PLA2G12B: variants seen among roughly 807,000 people sequenced by gnomAD.
PLA2G12B encodes the protein phospholipase A2 group XIIB, also known as group XIIB secretory phospholipase A2-like protein.
PLA2G12B carries 19 observed loss-of-function variants against 22.3 expected under a neutral mutation model. The ratio of observed to expected loss-of-function variants is 0.85; its 90% CI spans 0.60 to 1.25. The LOEUF is 1.25. Ranked by LOEUF, PLA2G12B falls within the 50% of genes most tolerant of loss-of-function variation. PLA2G12B has a pLI of 0.00. For synonymous variants in PLA2G12B, 81 were observed against 94.9 expected, an observed-to-expected ratio of 0.85 and a Z score of 0.85; for missense variants, 191 against 246.6, an observed-to-expected ratio of 0.77 and a Z score of 1.51.
chr10:72,941,567 C>T (rs1846361987), intron 2 of PLA2G12B, among the ~76,000 whole-genome samples: 1 of 152,044 alleles, frequency 6.6e-6, no homozygotes, highest in Non-Finnish European at 1.5e-5. Flanking sequence ...CCATTTTTCA[C>T]CTTTTGTTTT....
intron 1 of PLA2G12B, among the ~76,000 whole-genome samples, chr10:72,949,725 C>G (rs1014939457): frequency 2.0e-5 from 3 of 152,158 alleles, no homozygotes; most frequent in Non-Finnish European, 2.9e-5. Flanking sequence ...CGCCTGTAAT[C>G]CCAGCACTTT....
intron 3 of PLA2G12B, among the ~76,000 whole-genome samples, chr10:72,938,047 G>A (rs1357828583): frequency 6.6e-6 from 1 of 151,476 alleles, no homozygotes; most frequent in Admixed American, 6.6e-5. Context: ...CCGGGGTGTG[G>A]AGGTTGCAGT....
chr10:72,945,711 G>A (rs1440064139), intron 1 of PLA2G12B, among the ~76,000 whole-genome samples: 2 of 151,604 alleles, frequency 1.3e-5, no homozygotes, highest in African/African-American at 4.9e-5. Context: ...GCAGTGGTGC[G>A]ATCTTGGCTC....
At chr10:72,952,696 T>A (rs960275020) in intron 1 of PLA2G12B, among the ~76,000 whole-genome samples, 16 of 152,202 alleles carry the variant, frequency 1.1e-4, no homozygotes, top group Admixed American at 6.5e-5. Flanking sequence ...GGTTCCAAGG[T>A]AAGGAGGCAT....
chr10:72,954,581 G>T lies in PLA2G12B; in HGVS notation c.105C>A (p.Gly35=). The T allele has an allele frequency of 6.2e-7, 1 of 1,614,170 alleles. No homozygotes were observed. The highest frequency in any genetic ancestry group is 1.1e-5 in the South Asian group (1 of 91,080). ...PDTEESYSDW[G]LRHLRGSFES... Reference sequence around the variant, plus strand: ...CAAAGCTTCCCCGGAGGTGCCGAAGGCCCCAGTCTGAATAGGACTCCTCCG... The same window carrying T: ...CAAAGCTTCCCCGGAGGTGCCGAAGTCCCCAGTCTGAATAGGACTCCTCCG... Residue 35 remains glycine (G), a synonymous_variant, in exon 1 of 4, where the codon GGC becomes GGA. Transcript: ENST00000373032.
intron 3 of PLA2G12B, among the ~76,000 whole-genome samples, chr10:72,936,473 CATT>C (rs1846281384): frequency 1.3e-5 from 2 of 152,136 alleles, no homozygotes; most frequent in African/African-American, 2.4e-5. Flanking sequence ...ATCTTGAAAA[CATT>C]ATGCTAAGCA....
chr10:72,941,590 T>C (rs1157335963), intron 2 of PLA2G12B, among the ~76,000 whole-genome samples: 3 of 152,204 alleles, frequency 2.0e-5, no homozygotes, highest in Non-Finnish European at 4.4e-5. Flanking sequence ...CAGATGTTAG[T>C]AATTTTAAAA....
At chr10:72,942,555 A>G (rs963014882) in intron 2 of PLA2G12B, 97 bp downstream of exon 2, 7 of 1,004,600 alleles carry the variant, frequency 7.0e-6, no homozygotes, top group Non-Finnish European at 7.1e-6. Flanking sequence ...GTATTCTTCA[A>G]CTTTTTTCCA....
chr10:72,942,581 A>G (rs1340429406), intron 2 of PLA2G12B, 71 bp downstream of exon 2: 3 of 1,249,328 alleles, frequency 2.4e-6, no homozygotes, highest in Admixed American at 2.8e-5. Flanking sequence ...AATCACTTCC[A>G]TCAAGGATAA....
At chr10:72,947,205 A>G (rs1201134081) in intron 1 of PLA2G12B, among the ~76,000 whole-genome samples, 2 of 151,984 alleles carry the variant, frequency 1.3e-5, no homozygotes, top group African/African-American at 4.8e-5. Context: ...AATTACAGGC[A>G]TGAGCCACTG....
At position 72,942,663 on chromosome 10, in the gene PLA2G12B, C is replaced by T. The variant is rs1185127720; in HGVS notation, c.289G>A (p.Val97Ile). 12 of 1,604,490 alleles carry T rather than the reference C, an allele frequency of 7.5e-6. No homozygotes were observed. The highest frequency in any genetic ancestry group is 1.3e-5 in the African/African-American group (1 of 74,770). ...CTGGCAGTACATACACTTTCTGGTACCTTGAGACCCAGGAAATAGGAGCCG... is the reference window on the plus strand; with the variant it reads ...CTGGCAGTACATACACTTTCTGGTATCTTGAGACCCAGGAAATAGGAGCCG... Reference protein sequence around the residue: ...GCGSYFLGLKVPESMDLGIPA... With the variant: ...GCGSYFLGLKIPESMDLGIPA... The change falls in exon 2 of 4, where the codon GTA (valine) becomes ATA (isoleucine). Residue 97 changes from valine (V) to isoleucine (I), a missense_variant. Physicochemically the swap from Val to Ile is conservative, Grantham distance 29. Transcript: ENST00000373032.
intron 1 of PLA2G12B, among the ~76,000 whole-genome samples, chr10:72,947,676 C>G (rs1041605822): frequency 1.3e-5 from 2 of 152,176 alleles, no homozygotes; most frequent in African/African-American, 4.8e-5. Context: ...CCAAGGTAGA[C>G]CTTGTGCCCA....
intron 1 of PLA2G12B, 59 bp from the exon 2 acceptor site, chr10:72,942,799 G>A: frequency 7.1e-7 from 1 of 1,407,186 alleles, no homozygotes; most frequent in Non-Finnish European, 9.7e-7. Flanking sequence ...AAGCATTTGG[G>A]AACATTCATC....
intron 1 of PLA2G12B, among the ~76,000 whole-genome samples, chr10:72,945,636 G>T (rs1846428088): frequency 6.7e-6 from 1 of 149,520 alleles, no homozygotes; most frequent in African/African-American, 2.5e-5. Flanking sequence ...TATAACTGTT[G>T]CAGTTGCCAT....
In PLA2G12B at chr10:72,934,863, C is replaced by T. The variant is rs1310182665; in HGVS notation, c.*754G>A. ...TCCCGACAGGCTGCAGGGACTTTTC[C>T]TAGCTAGCTCCATCAGTAACTCTTA... On this transcript the variant is annotated 3_prime_UTR_variant, in exon 4 of 4. Transcript: ENST00000373032. Among the ~76,000 whole-genome samples, 1 of 152,188 alleles carries T rather than the reference C, an allele frequency of 6.6e-6. No homozygotes were observed. Among genetic ancestry groups the T allele is most frequent in the Non-Finnish European group, 1.5e-5 (1 of 68,010 alleles).
intron 1 of PLA2G12B, among the ~76,000 whole-genome samples, chr10:72,952,461 G>T (rs1225799195): frequency 6.6e-6 from 1 of 152,244 alleles, no homozygotes; most frequent in African/African-American, 2.4e-5. Flanking sequence ...GGGGCCCAGA[G>T]ATCTGGTTGA....
chr10:72,953,653 G>T (rs1047101313), intron 1 of PLA2G12B, among the ~76,000 whole-genome samples: 15 of 152,124 alleles, frequency 9.9e-5, no homozygotes, highest in African/African-American at 3.6e-4. Context: ...TCCACATTTT[G>T]CTCCCCTTAC....
chr10:72,943,586 G>A lies in PLA2G12B; in HGVS notation c.212-846C>T, dbSNP rs559663202. Reference sequence around the variant, plus strand: ...TCATAGAACTAAGCAGAAATGATCTGAACAGCTTTGAATTTCTGTTTTTTA... The same window carrying A: ...TCATAGAACTAAGCAGAAATGATCTAAACAGCTTTGAATTTCTGTTTTTTA... On this transcript the variant is annotated intron_variant, in intron 1 of 3. Coordinates refer to ENST00000373032, the MANE Select transcript of PLA2G12B (RefSeq NM_032562.5). Among the ~76,000 whole-genome samples the A allele has an allele frequency of 2.6e-5, 4 of 152,314 alleles. No individual in the cohort carries two copies. The South Asian group carries it at 8.3e-4, about 32-fold the overall frequency.
At chr10:72,939,595 A>G (rs564086224) in intron 3 of PLA2G12B, among the ~76,000 whole-genome samples, 1 of 152,268 alleles carries the variant, frequency 6.6e-6, no homozygotes, top group East Asian at 1.9e-4. Context: ...CGTGATAAAA[A>G]CTAGAAACAA....
Sources: gnomAD v4.1 joint callset for allele counts (sites outside exome capture counted in the v4.1 genomes callset) on GRCh38, gnomAD v4.1.1 for gene constraint, MANE v1.5 for transcripts, NCBI Gene and HGNC (gene_info 2026-07-23, HGNC 2026-07-21) for gene names.